The following MICAL3 variants were observed in gnomAD, a reference collection of about 807,000 sequenced individuals.
MICAL3 encodes [F-actin]-monooxygenase MICAL3.
MICAL3 carries 62 observed loss-of-function variants against 207.4 expected under a neutral mutation model. The observed-to-expected ratio is 0.30, with a 90% CI of 0.24 to 0.37. MICAL3 has a LOEUF of 0.37. MICAL3 is among the 10% of genes least tolerant of loss of function. MICAL3 has a pLI of 1.00. For missense variants in MICAL3, 2,368 were observed against 2,635.6 expected, an observed-to-expected ratio of 0.90 and a Z score of 2.22; for synonymous variants, 1,077 against 1,069.3, an observed-to-expected ratio of 1.01 and a Z score of -0.14.
At chr22:17,882,935 A>T (rs1009897805) in intron 16 of MICAL3, among the ~76,000 whole-genome samples, 1 of 152,074 alleles carries the variant, frequency 6.6e-6, no homozygotes, top group Non-Finnish European at 1.5e-5. Context: ...GACTACCAAC[A>T]TTCTCCAGGG....
chr22:17,938,598 T>A (rs1933658788), intron 1 of MICAL3, among the ~76,000 whole-genome samples: 1 of 152,310 alleles, frequency 6.6e-6, no homozygotes, highest in Admixed American at 6.5e-5. Flanking sequence ...CCAAGCACAA[T>A]TCTGGACAAC....
intron 1 of MICAL3, among the ~76,000 whole-genome samples, chr22:17,913,078 ACTCT>A (rs1438946210): frequency 6.6e-6 from 1 of 151,778 alleles, no homozygotes; most frequent in Admixed American, 6.6e-5. Flanking sequence ...ATCTATCCTG[ACTCT>A]CCATCCTATT....
intron 1 of MICAL3, among the ~76,000 whole-genome samples, chr22:17,962,169 G>A (rs1455806609): frequency 1.3e-5 from 2 of 152,174 alleles, no homozygotes; most frequent in Non-Finnish European, 1.5e-5. Context: ...AGAGGAAAGC[G>A]AGACATCATT....
chr22:18,005,671 A>C (rs760330493), intron 1 of MICAL3: 3 of 152,154 alleles, frequency 2.0e-5, no homozygotes, highest in African/African-American at 4.8e-5. Flanking sequence ...TGTCTTGGAC[A>C]CATCTGGCAG....
At chr22:17,812,277 A>G (rs1308766965) in intron 27 of MICAL3, among the ~76,000 whole-genome samples, 1 of 152,206 alleles carries the variant, frequency 6.6e-6, no homozygotes, top group Non-Finnish European at 1.5e-5. Context: ...CGACCCGAGG[A>G]ACCTGGAACA....
At chr22:17,862,690 C>T in intron 19 of MICAL3, 1 of 985,440 alleles carries the variant, frequency 1.0e-6, no homozygotes, top group Non-Finnish European at 1.2e-6. Flanking sequence ...CCATAAAATA[C>T]TGCCCATAAT....
At chr22:17,965,082 G>A (rs1225507671) in intron 1 of MICAL3, among the ~76,000 whole-genome samples, 1 of 151,344 alleles carries the variant, frequency 6.6e-6, no homozygotes, top group Non-Finnish European at 1.5e-5. Flanking sequence ...CTGGGCCAAA[G>A]GAAATCCATG....
intron 20 of MICAL3, among the ~76,000 whole-genome samples, chr22:17,837,963 C>T (rs544171058): frequency 1.4e-4 from 21 of 152,338 alleles, no homozygotes; most frequent in African/African-American, 4.8e-4. Context: ...ACCACAGGAG[C>T]GTACCACCAC....
chr22:17,885,808 G>C, intron 16 of MICAL3, 70 bp downstream of exon 16: 1 of 1,508,180 alleles, frequency 6.6e-7, no homozygotes, highest in Non-Finnish European at 9.2e-7. Flanking sequence ...CATCTCAATG[G>C]ATGGAAAAGA....
chr22:17,819,935 T>C (rs1921368053), intron 25 of MICAL3, among the ~76,000 whole-genome samples: 2 of 98,884 alleles, frequency 2.0e-5, no homozygotes, highest in African/African-American at 8.9e-5. Flanking sequence ...AGTGAGAGAC[T>C]CCATCTCAAA....
Position 17,817,212 on chromosome 22 carries a change from CG to C in MICAL3, c.5350+98del, listed in dbSNP as rs892266366. The C allele has an allele frequency of 3.6e-6, 5 of 1,395,396 alleles. No individual in the cohort carries two copies. In the African/African-American group the frequency reaches 7.2e-5, roughly 20 times the overall value. 86.4% of individuals were successfully genotyped at this position (1,395,396 alleles called of 1,614,324 possible). A position where few individuals can be genotyped will look rare whatever the true frequency, so the allele number is the denominator to read the frequency against. On this transcript the variant is annotated intron_variant, in intron 26 of 31. Transcript: ENST00000441493. ...CAGCACGGCTCCTGAGAACCCTCGG[CG>C]GGGAGCGTGTGAGTGTGGATCCTGA...
chr22:17,822,135 T>C lies in MICAL3; in HGVS notation c.3343A>G (p.Arg1115Gly). The C allele has an allele frequency of 6.2e-7, 1 of 1,613,852 alleles. No homozygotes were observed. The highest frequency in any genetic ancestry group is 8.5e-7 in the Non-Finnish European group (1 of 1,179,882). The change falls in exon 24 of 32, where the codon AGA (arginine) becomes GGA (glycine). Residue 1115 changes from arginine to glycine, a missense_variant. Arg to Gly is a moderately radical substitution (Grantham distance 125). This residue lies in a region of MICAL3 where 1,770 missense variants were observed against 1,863.2 expected (regional missense o/e 0.95). Transcript: ENST00000441493. ...GCTGGGCACGGCAAACGCAGCTCTC[T>C]GTCAGCATCCGACGGGCTGTCAGAC... is the stretch of plus-strand genomic sequence containing the variant. ...HWSDSPSDAD[R>G]ELRLPCPAEG... is the part of the protein sequence containing the mutation.
chr22:17,818,842 T>G lies in MICAL3; in HGVS notation c.3819A>C (p.Pro1273=), dbSNP rs1555950275. ...AGCGTATGGGGGACTGGGTAGGGGA[T>G]GGGACAGTGGCCTCGGTGGAAGGCT... is the stretch of plus-strand genomic sequence containing the variant. ...QPQPSTEATV[P]SPTQSPIRFQ... Residue 1273 remains proline (P), a synonymous_variant, in exon 26 of 32, where the codon CCA becomes CCC. Transcript: ENST00000441493. 1 of 1,387,228 alleles carries G rather than the reference T, an allele frequency of 7.2e-7. No individual in the cohort carries two copies. Among genetic ancestry groups the G allele is most frequent in the Non-Finnish European group, 9.5e-7 (1 of 1,050,086 alleles). The allele number at this position is 1,387,228 out of a possible 1,614,324, so 85.9% of individuals were successfully genotyped here. A position where few individuals can be genotyped will look rare whatever the true frequency, so the allele number is the denominator to read the frequency against.
Position 17,869,377 on chromosome 22 carries a change from T to G in MICAL3, c.2428+2460A>C, listed in dbSNP as rs148143893. Reference sequence around the variant, plus strand: ...GATGCATGGCTGGCTTGGAGGCTGCTGCAGGGATGGAGACAGTCTCAGGCT... The same window carrying G: ...GATGCATGGCTGGCTTGGAGGCTGCGGCAGGGATGGAGACAGTCTCAGGCT... On this transcript the variant is annotated intron_variant, in intron 17 of 31. Transcript: ENST00000441493. 3.4e-4 allele frequency among the ~76,000 whole-genome samples: 52 copies of G among 152,194 alleles called. 1 individual carries two copies. In the East Asian group the frequency reaches 9.5e-3, roughly 28 times the overall value.
At chr22:17,997,687 G>A (rs1040570001) in intron 1 of MICAL3, among the ~76,000 whole-genome samples, 6 of 152,166 alleles carry the variant, frequency 3.9e-5, no homozygotes, top group Non-Finnish European at 8.8e-5. Flanking sequence ...CCTGCTTTCA[G>A]TCAAGGCTTT....
intron 1 of MICAL3, among the ~76,000 whole-genome samples, chr22:18,023,832 G>T (rs1020459923): frequency 1.3e-5 from 2 of 152,248 alleles, no homozygotes; most frequent in African/African-American, 4.8e-5. Flanking sequence ...CTCCTAATGA[G>T]CTCATGGGTT....
At chr22:17,809,431 C>T (rs1188509937) in intron 28 of MICAL3, among the ~76,000 whole-genome samples, 3 of 152,170 alleles carry the variant, frequency 2.0e-5, no homozygotes, top group South Asian at 2.1e-4. Flanking sequence ...GTCAAGAGAT[C>T]AAGACCCTCC....
intron 19 of MICAL3, among the ~76,000 whole-genome samples, chr22:17,850,914 C>T (rs377634022): frequency 6.6e-6 from 1 of 152,184 alleles, no homozygotes; most frequent in Non-Finnish European, 1.5e-5. Context: ...GTATTTTTCA[C>T]GTGTTATACC....
At position 17,902,090 on chromosome 22, in the gene MICAL3, A is replaced by T. The variant is rs571256203; in HGVS notation, c.590-111T>A. 3.0e-5 allele frequency: 22 copies of T among 723,400 alleles called. No individual in the cohort carries two copies. In the South Asian group the frequency reaches 3.1e-4, roughly 10 times the overall value. 44.8% of individuals were successfully genotyped at this position (723,400 alleles called of 1,614,324 possible). A position where few individuals can be genotyped will look rare whatever the true frequency, so the allele number is the denominator to read the frequency against. ...CTGCACAAAACCCTGGGCCAAAAAC[A>T]CTATGTGTAGAAGCAGTGGAGACAG... On this transcript the variant is annotated intron_variant, in intron 4 of 31. Coordinates refer to ENST00000441493, the MANE Select transcript of MICAL3 (RefSeq NM_015241.3). The surrounding 1 kb of genome is among the most constrained non-coding windows in gnomAD (Gnocchi z 4.5).
Sources: gnomAD v4.1 joint callset for allele counts (sites outside exome capture counted in the v4.1 genomes callset) on GRCh38, gnomAD v4.1.1 for gene constraint, gnomAD v4.1.1 regional missense constraint, Gnocchi (gnomAD v3.1) non-coding constraint, MANE v1.5 for transcripts, NCBI Gene and HGNC (gene_info 2026-07-23, HGNC 2026-07-21) for gene names.